Variants in CFTR observed in about 807,000 individuals in gnomAD.
CFTR encodes cystic fibrosis transmembrane conductance regulator.
In CFTR, 181 loss-of-function variants were observed where a neutral mutation model predicts 171.6. The observed-to-expected ratio is 1.05, with a 90% CI of 0.93 to 1.19. The LOEUF (loss-of-function observed/expected upper bound fraction) is 1.19, where lower values mean the gene tolerates loss of function less well. Ranked by LOEUF, CFTR falls within the 50% of genes most tolerant of loss-of-function variation. The pLI, the probability that CFTR is intolerant of heterozygous loss-of-function variation, is 0.00. For synonymous variants in CFTR, 583 were observed against 608.0 expected (o/e 0.96, Z 0.60); for missense variants, 1,968 against 1,734.7 (o/e 1.13, Z -2.39).
intron 1 of CFTR, among the ~76,000 whole-genome samples, chr7:117,492,199 G>A (rs1798170231): frequency 6.6e-6 from 1 of 151,896 alleles, no homozygotes; most frequent in Non-Finnish European, 1.5e-5. Context: ...ATTTTATTGA[G>A]GACAATTAAA....
chr7:117,505,609 C>T (rs1445667412), intron 2 of CFTR, among the ~76,000 whole-genome samples: 1 of 152,142 alleles, frequency 6.6e-6, no homozygotes, highest in East Asian at 1.9e-4. Flanking sequence ...TGAAAAATCC[C>T]AGAGACTCTT....
At chr7:117,504,756 TA>T (rs372341779) in intron 2 of CFTR, among the ~76,000 whole-genome samples, 10,548 of 120,976 alleles carry the variant, frequency 0.087, 377 homozygotes, top group Middle Eastern at 0.14. Flanking sequence ...CCTCTCTCTC[TA>T]AAAAAAAAAA....
chr7:117,549,880 G>A (rs900308582), intron 10 of CFTR, among the ~76,000 whole-genome samples: 2 of 152,000 alleles, frequency 1.3e-5, no homozygotes, highest in Admixed American at 1.3e-4. Flanking sequence ...TAAGAGGGAA[G>A]CAGTGCTGCT....
At chr7:117,598,780 T>G (rs1425675479) in intron 15 of CFTR, among the ~76,000 whole-genome samples, 1 of 152,222 alleles carries the variant, frequency 6.6e-6, no homozygotes, top group Admixed American at 6.5e-5. Context: ...ATTAACACCA[T>G]GAAACTGAGC....
rs112904263 is a variant in CFTR at position 117,612,234 on chromosome 7, TAC to T, written c.3367+452_3367+453del. Among the ~76,000 whole-genome samples the T allele has an allele frequency of 2.5e-3, 357 of 140,746 alleles. 1 individual carries two copies. The highest frequency in any genetic ancestry group is 4.5e-3 in the African/African-American group (167 of 37,452). 92.3% of individuals were successfully genotyped at this position (140,746 alleles called of 152,430 possible). A position where few individuals can be genotyped will look rare whatever the true frequency, so the allele number is the denominator to read the frequency against. On this transcript the variant is annotated intron_variant, in intron 20 of 26. Coordinates refer to ENST00000003084, the MANE Select transcript of CFTR (RefSeq NM_000492.4). ...AGAGGGGAAATGAAACATCCGCATT[TAC>T]ACACACACACACACACACACACACA...
rs1002967054 is a variant in CFTR, at chr7:117,649,306, A to T, written c.3874-3536A>T. On this transcript the variant is annotated intron_variant, in intron 23 of 26. Transcript: ENST00000003084. ...TGTGTGTGTGTGTGTGTGTGTGTAT[A>T]TGTGTGTGTGTATATATATATGGCA... Among the ~76,000 whole-genome samples, 3 of 149,078 alleles carry T rather than the reference A, an allele frequency of 2.0e-5. No homozygotes were observed. The South Asian group carries it at 6.3e-4, about 31-fold the overall frequency.
chr7:117,616,998 C>G (rs554126951), intron 21 of CFTR, among the ~76,000 whole-genome samples: 1 of 152,130 alleles, frequency 6.6e-6, no homozygotes, highest in South Asian at 2.1e-4. Context: ...TAGGACTATG[C>G]CCTCAAATTT....
At chr7:117,587,703 A>G (rs1791961732) in intron 11 of CFTR, 36 bp from the exon 12 acceptor site, 6 of 1,215,308 alleles carry the variant, frequency 4.9e-6, no homozygotes, top group South Asian at 1.2e-5. Flanking sequence ...TGAGCATACT[A>G]AAAGTGACTC....
intron 22 of CFTR, among the ~76,000 whole-genome samples, chr7:117,628,358 C>G (rs1459251920): frequency 6.6e-6 from 1 of 152,140 alleles, no homozygotes; most frequent in African/African-American, 2.4e-5. Flanking sequence ...ATACTGATTT[C>G]TGGAATTGAT....
Position 117,606,745 on chromosome 7 carries a change from TTCATCCAGG to T in CFTR, c.2982_2988+2del, listed in dbSNP as rs1554391489. 6.4e-7 allele frequency: 1 copy of T among 1,552,126 alleles called. No individual in the cohort carries two copies. Among genetic ancestry groups the T allele is most frequent in the African/African-American group, 1.4e-5 (1 of 73,656 alleles). Reference sequence around the variant, plus strand: ...CCTTCTGCCTCTTACCATATTTGACTTCATCCAGGTATGTAAAAATAAGTACCGTTAAGT... The same window carrying T: ...CCTTCTGCCTCTTACCATATTTGACTTATGTAAAAATAAGTACCGTTAAGT... On this transcript the variant is annotated splice_donor_variant and coding_sequence_variant, in exon 18 of 27. Transcript: ENST00000003084. LOFTEE classifies it high-confidence loss of function.
intron 24 of CFTR, among the ~76,000 whole-genome samples, chr7:117,661,193 T>TAACTTAATA (rs1793275278): frequency 6.6e-6 from 1 of 152,200 alleles, no homozygotes; most frequent in South Asian, 2.1e-4. Context: ...TAAGTTTTAT[T>TAACTTAATA]AACTATGTTG....
rs397508644 is a variant in CFTR at position 117,652,895 on chromosome 7, G to T, written c.3927G>T (p.Gln1309His). The T allele has an allele frequency of 6.2e-7, 1 of 1,606,390 alleles. No individual in the cohort carries two copies. Among genetic ancestry groups the T allele is most frequent in the Non-Finnish European group, 8.5e-7 (1 of 1,173,940 alleles). Reference sequence around the variant, plus strand: ...GAAAAAACTTGGATCCCTATGAACAGTGGAGTGATCAAGAAATATGGAAAG... The same window carrying T: ...GAAAAAACTTGGATCCCTATGAACATTGGAGTGATCAAGAAATATGGAAAG... ...TFRKNLDPYE[Q>H]WSDQEIWKVA... Residue 1309 changes from glutamine to histidine, a missense_variant, in exon 24 of 27, where the codon CAG (glutamine) becomes CAT (histidine). Gln to His is a conservative substitution (Grantham distance 24). Coordinates refer to ENST00000003084, the MANE Select transcript of CFTR (RefSeq NM_000492.4).
intron 11 of CFTR, among the ~76,000 whole-genome samples, chr7:117,576,529 G>A (rs770002780): frequency 1.3e-5 from 2 of 152,030 alleles, no homozygotes; most frequent in Admixed American, 6.6e-5. Context: ...ATTCCCCACA[G>A]ATGCCAAGGC....
At chr7:117,529,243 A>T (rs1333681797) in intron 3 of CFTR, among the ~76,000 whole-genome samples, 1 of 100,910 alleles carries the variant, frequency 9.9e-6, no homozygotes, top group Middle Eastern at 3.8e-3. Context: ...GGAAACCATC[A>T]TTCTCAGTAA....
chr7:117,662,034 G>A (rs1268263016), intron 24 of CFTR, among the ~76,000 whole-genome samples: 1 of 138,418 alleles, frequency 7.2e-6, no homozygotes, highest in Non-Finnish European at 1.5e-5. Context: ...TTGATCTAAA[G>A]TACTAACATT....
rs34412203 is a variant in CFTR at position 117,590,124 on chromosome 7, A to C, written c.1680-229A>C. Among the ~76,000 whole-genome samples, 1,067 of 152,178 alleles carry C rather than the reference A, an allele frequency of 7.0e-3. 9 individuals carry two copies. The highest frequency in any genetic ancestry group is 0.024 in the African/African-American group (991 of 41,564). On this transcript the variant is annotated intron_variant, in intron 12 of 26. Coordinates refer to ENST00000003084, the MANE Select transcript of CFTR (RefSeq NM_000492.4). The stretch of plus-strand genomic sequence containing the variant: ...TCTTGGAATGTTGTGAAAAGTGATA[A>C]AAATCTTCTGCAACTTATTCCTTTA...
In CFTR at chr7:117,540,102, CAG is replaced by C. The variant is rs1799022949; in HGVS notation, c.874_875del (p.Glu292ThrfsTer15). On this transcript the variant is annotated frameshift_variant, in exon 8 of 27. Coordinates refer to ENST00000003084, the MANE Select transcript of CFTR (RefSeq NM_000492.4). LOFTEE classifies it high-confidence loss of function. Reference sequence around the variant, plus strand: ...TTTATTGTTATTGTTTTTTATAGAACAGAACTGAAACTGACTCGGAAGGCAGC... The same window carrying C: ...TTTATTGTTATTGTTTTTTATAGAACAACTGAAACTGACTCGGAAGGCAGC... 1 of 1,611,346 alleles carries C rather than the reference CAG, an allele frequency of 6.2e-7. No individual in the cohort carries two copies. Among genetic ancestry groups the C allele is most frequent in the African/African-American group, 1.3e-5 (1 of 74,932 alleles).
intron 21 of CFTR, among the ~76,000 whole-genome samples, chr7:117,617,958 C>T (rs1426311562): frequency 5.9e-5 from 9 of 152,116 alleles, no homozygotes; most frequent in Non-Finnish European, 1.2e-4. Context: ...CCCCATAACT[C>T]AGGATCAACA....
At chr7:117,492,403 A>G (rs1273264557) in intron 1 of CFTR, among the ~76,000 whole-genome samples, 1 of 151,816 alleles carries the variant, frequency 6.6e-6, no homozygotes, top group Non-Finnish European at 1.5e-5. Context: ...GCTAAGCAAT[A>G]CCTATTTGCA....
Sources: gnomAD v4.1 joint callset for allele counts (sites outside exome capture counted in the v4.1 genomes callset) on GRCh38, gnomAD v4.1.1 for gene constraint, MANE v1.5 for transcripts, NCBI Gene and HGNC (gene_info 2026-07-23, HGNC 2026-07-21) for gene names.